Variants in CSMD1 observed in about 807,000 individuals in gnomAD.
CSMD1 encodes the protein CUB and Sushi multiple domains 1, also known as CUB and sushi domain-containing protein 1.
CSMD1 carries 213 observed loss-of-function variants against 417.5 expected under a neutral mutation model. That is an observed-to-expected ratio of 0.51 (90% confidence interval 0.46 to 0.57). The LOEUF (loss-of-function observed/expected upper bound fraction) is 0.57. Among genes scored for constraint, CSMD1 ranks in the 20% least tolerant of loss-of-function variants. CSMD1 has a pLI of 0.00. For synonymous variants in CSMD1, 2,862 were observed against 1,736.8 expected, an observed-to-expected ratio of 1.65 and a Z score of -16.11; for missense variants, 6,923 against 4,529.7, an observed-to-expected ratio of 1.53 and a Z score of -15.17.
chr8:3,068,642 A>T (rs943434829), intron 49 of CSMD1, among the ~76,000 whole-genome samples: 1 of 152,140 alleles, frequency 6.6e-6, no homozygotes, highest in Non-Finnish European at 1.5e-5. Context: ...AATCTTTCAA[A>T]CATGGCAGAA....
chr8:4,971,277 G>T (rs1452727942), intron 1 of CSMD1, among the ~76,000 whole-genome samples: 1 of 151,940 alleles, frequency 6.6e-6, no homozygotes, highest in Admixed American at 6.6e-5. Flanking sequence ...TCTTATAAAT[G>T]CTCTCAACAT....
At chr8:4,293,547 C>A (rs868520710) in intron 3 of CSMD1, among the ~76,000 whole-genome samples, 4 of 152,012 alleles carry the variant, frequency 2.6e-5, no homozygotes, top group Non-Finnish European at 5.9e-5. Flanking sequence ...GACTTGTCAC[C>A]CCTGTGCCTT....
intron 51 of CSMD1, among the ~76,000 whole-genome samples, chr8:3,021,770 T>G (rs1809425314): frequency 7.0e-6 from 1 of 141,914 alleles, no homozygotes. Flanking sequence ...GCATCCGGAA[T>G]GCACCTGCAA....
chr8:4,842,069 T>C (rs1412866210), intron 1 of CSMD1, among the ~76,000 whole-genome samples: 1 of 152,164 alleles, frequency 6.6e-6, no homozygotes, highest in African/African-American at 2.4e-5. Flanking sequence ...GTAAATTTCC[T>C]GGACGTCACC....
intron 3 of CSMD1, among the ~76,000 whole-genome samples, chr8:4,257,101 C>G (rs1014506585): frequency 1.3e-5 from 2 of 152,072 alleles, no homozygotes; most frequent in East Asian, 3.9e-4. Flanking sequence ...ATACCACACT[C>G]GCCATACTCT....
chr8:3,042,166 C>G (rs1458565008), intron 50 of CSMD1, among the ~76,000 whole-genome samples: 3 of 152,158 alleles, frequency 2.0e-5, no homozygotes, highest in Non-Finnish European at 4.4e-5. Flanking sequence ...ATCTGGTTAG[C>G]TGAGATACCA....
At position 3,011,714 on chromosome 8, in the gene CSMD1, G is replaced by A. The variant is rs191485858; in HGVS notation, c.8029+6763C>T. 5.3e-5 allele frequency among the ~76,000 whole-genome samples: 8 copies of A among 152,298 alleles called. No homozygotes were observed. The East Asian group carries it at 1.5e-3, about 29-fold the overall frequency. On this transcript the variant is annotated intron_variant, in intron 52 of 69. Transcript: ENST00000635120. ...TATCTTGAATACTAGAGATTGAAGA[G>A]GTAACATAGTGGAGAGAGGATGGGT...
chr8:3,495,902 T>C (rs1308144488), intron 10 of CSMD1, among the ~76,000 whole-genome samples: 4 of 152,116 alleles, frequency 2.6e-5, no homozygotes, highest in Admixed American at 1.3e-4. Flanking sequence ...TTACATATAA[T>C]TATCTTATCT....
chr8:4,642,389 C>A lies in CSMD1; in HGVS notation c.86-4831G>T, dbSNP rs549637258. On this transcript the variant is annotated intron_variant, in intron 1 of 69. Transcript: ENST00000635120. ...CTAACCCCTCCACTCTGAACACCCCCCTACAGTTGGTTGGCTCCTCTCCCG... is the reference window on the plus strand; with the variant it reads ...CTAACCCCTCCACTCTGAACACCCCACTACAGTTGGTTGGCTCCTCTCCCG... 2.0e-5 allele frequency among the ~76,000 whole-genome samples: 3 copies of A among 152,292 alleles called. No individual in the cohort carries two copies. In the South Asian group the frequency reaches 6.2e-4, roughly 32 times the overall value.
intron 1 of CSMD1, among the ~76,000 whole-genome samples, chr8:4,971,751 T>C (rs1005740110): frequency 2.6e-5 from 4 of 151,784 alleles, no homozygotes; most frequent in African/African-American, 9.7e-5. Context: ...ATTACCAACT[T>C]TTATGTCCTA....
intron 5 of CSMD1, among the ~76,000 whole-genome samples, chr8:3,963,500 G>T (rs528315178): frequency 6.2e-4 from 94 of 152,058 alleles, no homozygotes; most frequent in African/African-American, 2.2e-3. Flanking sequence ...GAAGTACCTG[G>T]GGTGTACATT....
chr8:3,980,560 A>G (rs1208793208), intron 5 of CSMD1, among the ~76,000 whole-genome samples: 1 of 152,116 alleles, frequency 6.6e-6, no homozygotes, highest in Non-Finnish European at 1.5e-5. Context: ...TTTTCCACTC[A>G]AATTCGTAGT....
Position 3,479,743 on chromosome 8 carries a change from C to T in CSMD1, c.1449-10919G>A, listed in dbSNP as rs150613748. Among the ~76,000 whole-genome samples, 798 of 152,082 alleles carry T rather than the reference C, an allele frequency of 5.2e-3. 5 individuals are homozygous for T. Among genetic ancestry groups the T allele is most frequent in the Non-Finnish European group, 8.4e-3 (571 of 68,008 alleles). ...ATCACACCAAGAGCCAAGGAAATCA[C>T]GGCTTGAATGATGAAAGACAATCAA... On this transcript the variant is annotated intron_variant, in intron 11 of 69. Transcript: ENST00000635120.
chr8:4,305,074 A>C (rs1798174301), intron 3 of CSMD1, among the ~76,000 whole-genome samples: 1 of 152,306 alleles, frequency 6.6e-6, no homozygotes, highest in Admixed American at 6.5e-5. Flanking sequence ...GTTTTAGGGC[A>C]CAGAATCACA....
chr8:3,949,898 C>T (rs553656428), intron 5 of CSMD1: 1 of 455,738 alleles, frequency 2.2e-6, no homozygotes, highest in Non-Finnish European at 4.4e-6. Flanking sequence ...ATTGTGCCTC[C>T]ATGGGAAGCT....
At chr8:4,158,956 C>T (rs1010379322) in intron 3 of CSMD1, among the ~76,000 whole-genome samples, 1 of 152,122 alleles carries the variant, frequency 6.6e-6, no homozygotes, top group Non-Finnish European at 1.5e-5. Flanking sequence ...ACTCTTGTTG[C>T]CCAGGTTGGA....
intron 33 of CSMD1, among the ~76,000 whole-genome samples, chr8:3,191,518 G>A (rs1414788369): frequency 2.0e-5 from 3 of 152,058 alleles, no homozygotes; most frequent in African/African-American, 4.8e-5. Flanking sequence ...ACTTTCCTAG[G>A]TTCTGTAAAA....
At chr8:4,189,253 C>A (rs1045234487) in intron 3 of CSMD1, among the ~76,000 whole-genome samples, 16 of 152,250 alleles carry the variant, frequency 1.1e-4, no homozygotes, top group African/African-American at 3.9e-4. Context: ...CCCACCTTTG[C>A]CCATCTGTAG....
At chr8:3,485,822 T>C (rs1208504326) in intron 11 of CSMD1, among the ~76,000 whole-genome samples, 1 of 130,608 alleles carries the variant, frequency 7.7e-6, no homozygotes, top group Non-Finnish European at 1.6e-5. Flanking sequence ...TAAAATAAAA[T>C]AAAATAAAAT....
Sources: gnomAD v4.1 joint callset for allele counts (sites outside exome capture counted in the v4.1 genomes callset) on GRCh38, gnomAD v4.1.1 for gene constraint, MANE v1.5 for transcripts, NCBI Gene and HGNC (gene_info 2026-07-23, HGNC 2026-07-21) for gene names.